Variants in CNTNAP2 observed in about 807,000 individuals in gnomAD.
The protein encoded by CNTNAP2 is contactin associated protein 2, also known as contactin-associated protein-like 2.
CNTNAP2 carries 98 observed loss-of-function variants against 155.2 expected under a neutral mutation model. The ratio of observed to expected loss-of-function variants is 0.63; its 90% CI spans 0.54 to 0.75. The LOEUF is 0.75. CNTNAP2 is among the 30% of genes least tolerant of loss of function. CNTNAP2 has a pLI of 0.00. For missense variants in CNTNAP2, 1,727 were observed against 1,688.1 expected (o/e 1.02, Z -0.40); for synonymous variants, 651 against 631.2 (o/e 1.03, Z -0.47).
intron 22 of CNTNAP2, among the ~76,000 whole-genome samples, chr7:148,394,997 T>C (rs981852509): frequency 2.6e-5 from 4 of 152,246 alleles, no homozygotes; most frequent in African/African-American, 9.6e-5. Context: ...TTTATCTTTT[T>C]CTAGAAATTC....
intron 3 of CNTNAP2, among the ~76,000 whole-genome samples, chr7:146,849,308 G>T (rs542545303): frequency 2.0e-5 from 3 of 152,264 alleles, no homozygotes; most frequent in Admixed American, 6.5e-5. Context: ...TTCTGTAGAT[G>T]AATAAGCTGA....
chr7:147,513,648 A>C (rs896638788), intron 11 of CNTNAP2, among the ~76,000 whole-genome samples: 1 of 152,240 alleles, frequency 6.6e-6, no homozygotes, highest in Non-Finnish European at 1.5e-5. Flanking sequence ...TCAAGGCCAA[A>C]TACAAAATCA....
At chr7:146,287,106 A>G (rs1348534716) in intron 1 of CNTNAP2, among the ~76,000 whole-genome samples, 1 of 152,228 alleles carries the variant, frequency 6.6e-6, no homozygotes, top group Non-Finnish European at 1.5e-5. Flanking sequence ...CAAATAAGGT[A>G]GACAGGGACA....
intron 1 of CNTNAP2, among the ~76,000 whole-genome samples, chr7:146,264,503 C>T (rs78447065): frequency 0.078 from 11,775 of 151,542 alleles, 1,497 homozygotes; most frequent in African/African-American, 0.27. Context: ...GTAATCTATC[C>T]AGTAAATTGA....
chr7:148,313,173 C>T, intron 21 of CNTNAP2, among the ~76,000 whole-genome samples: 1 of 151,148 alleles, frequency 6.6e-6, no homozygotes, highest in Non-Finnish European at 1.5e-5. Flanking sequence ...GGGAAACAGG[C>T]CCTTGAAAAG....
intron 15 of CNTNAP2, among the ~76,000 whole-genome samples, chr7:148,077,120 C>T (rs1803502700): frequency 6.6e-6 from 1 of 151,970 alleles, no homozygotes; most frequent in South Asian, 2.1e-4. Flanking sequence ...CTAGCCTGAC[C>T]AACATGGAGA....
chr7:146,602,265 A>G (rs981289342), intron 1 of CNTNAP2, among the ~76,000 whole-genome samples: 7 of 152,168 alleles, frequency 4.6e-5, no homozygotes, highest in Non-Finnish European at 1.0e-4. Flanking sequence ...GCATCCACTG[A>G]AAAGATGTAA....
intron 8 of CNTNAP2, among the ~76,000 whole-genome samples, chr7:147,263,393 C>T (rs1379058892): frequency 1.3e-5 from 2 of 150,908 alleles, no homozygotes; most frequent in South Asian, 2.1e-4. Flanking sequence ...AAAAAAGTCA[C>T]TTCTGACTAT....
intron 22 of CNTNAP2, among the ~76,000 whole-genome samples, chr7:148,395,679 C>T (rs1787921480): frequency 1.3e-5 from 2 of 152,162 alleles, no homozygotes; most frequent in South Asian, 4.2e-4. Flanking sequence ...CCTTCAGCAT[C>T]GAACACCTCA....
intron 3 of CNTNAP2, among the ~76,000 whole-genome samples, chr7:146,958,942 T>C (rs62483966): frequency 0.021 from 3,151 of 152,240 alleles, 51 homozygotes; most frequent in Non-Finnish European, 0.034. Context: ...TTGTCGTTTC[T>C]ATCATATTCT....
At chr7:146,245,091 G>A (rs1409224455) in intron 1 of CNTNAP2, among the ~76,000 whole-genome samples, 10 of 152,180 alleles carry the variant, frequency 6.6e-5, no homozygotes, top group Admixed American at 6.5e-5. Context: ...AGCATAGCCT[G>A]CCTTTGCTTG....
At chr7:147,246,427 G>A (rs1804070548) in intron 8 of CNTNAP2, among the ~76,000 whole-genome samples, 2 of 152,116 alleles carry the variant, frequency 1.3e-5, no homozygotes, top group Admixed American at 1.3e-4. Flanking sequence ...ATTTCTCACA[G>A]TTCTAGAGGC....
intron 3 of CNTNAP2, among the ~76,000 whole-genome samples, chr7:147,000,787 C>A (rs1798407727): frequency 6.6e-6 from 1 of 152,176 alleles, no homozygotes; most frequent in African/African-American, 2.4e-5. Context: ...AGCAGTGGGT[C>A]ATGTCTAAAT....
intron 1 of CNTNAP2, among the ~76,000 whole-genome samples, chr7:146,690,047 T>C (rs1800670192): frequency 6.6e-6 from 1 of 151,946 alleles, no homozygotes; most frequent in Non-Finnish European, 1.5e-5. Flanking sequence ...ATTTTGCAAA[T>C]AGCCACACAC....
chr7:147,541,110 C>T (rs567707832), intron 11 of CNTNAP2, among the ~76,000 whole-genome samples: 42 of 152,158 alleles, frequency 2.8e-4, no homozygotes, highest in African/African-American at 7.2e-4. Context: ...AAAATGTATA[C>T]GATATAGGGG....
chr7:148,413,207 C>A (rs1442395119), intron 23 of CNTNAP2, among the ~76,000 whole-genome samples: 1 of 151,054 alleles, frequency 6.6e-6, no homozygotes, highest in Non-Finnish European at 1.5e-5. Context: ...GCCTAGCCAA[C>A]ACAGTGAAAC....
intron 1 of CNTNAP2, 146 bp from the exon 2 acceptor site, chr7:146,774,125 G>T (rs1399423016): frequency 1.5e-6 from 1 of 667,976 alleles, no homozygotes. Flanking sequence ...TAGGATAACA[G>T]AATTGCCTAA....
At chr7:146,961,809 C>A (rs568392599) in intron 3 of CNTNAP2, among the ~76,000 whole-genome samples, 1 of 152,076 alleles carries the variant, frequency 6.6e-6, no homozygotes, top group African/African-American at 2.4e-5. Flanking sequence ...AGCATGATCT[C>A]ACCATCTGAA....
At chr7:147,200,322 G>A (rs774560143) in intron 8 of CNTNAP2, among the ~76,000 whole-genome samples, 11 of 152,254 alleles carry the variant, frequency 7.2e-5, no homozygotes, top group Non-Finnish European at 1.6e-4. Flanking sequence ...ACAGCTCCAC[G>A]GATGCTGGCA....
Sources: gnomAD v4.1 joint callset for allele counts (sites outside exome capture counted in the v4.1 genomes callset) on GRCh38, gnomAD v4.1.1 for gene constraint, MANE v1.5 for transcripts, NCBI Gene and HGNC (gene_info 2026-07-23, HGNC 2026-07-21) for gene names.